Variants in BCLAF3 observed in about 807,000 individuals in gnomAD.
BCLAF3 encodes transient octamer binding factor 1.
A neutral mutation model predicts 51.2 loss-of-function variants in BCLAF3; 24 were observed. The ratio of observed to expected loss-of-function variants is 0.47; its 90% confidence interval spans 0.34 to 0.66. BCLAF3 has a LOEUF of 0.66. BCLAF3 is among the 30% of genes least tolerant of loss of function. The probability of loss-of-function intolerance (pLI) is 0.01; values close to 1 mark genes in which losing one functional copy is unlikely to be tolerated. For synonymous variants in BCLAF3, 152 were observed against 176.6 expected (o/e 0.86, Z 1.10); for missense variants, 465 against 525.1 (o/e 0.89, Z 1.12).
chrX:19,939,111 A>T (rs760692733), intron 8 of BCLAF3, among the ~76,000 whole-genome samples: 2 of 112,221 alleles, frequency 1.8e-5, no homozygotes, highest in East Asian at 5.6e-4. Context: ...ACGACAGTAG[A>T]TCAAAAGAGT....
chrX:19,949,893 A>G (rs774314958), intron 8 of BCLAF3, among the ~76,000 whole-genome samples: 3 of 111,817 alleles, frequency 2.7e-5, no homozygotes, highest in Non-Finnish European at 5.6e-5. Flanking sequence ...GTCCTGTTCA[A>G]TTATACCTCA....
intron 1 of BCLAF3, among the ~76,000 whole-genome samples, chrX:19,981,898 T>G (rs1038950065): frequency 6.5e-5 from 6 of 92,404 alleles, no homozygotes; most frequent in African/African-American, 3.4e-4. Flanking sequence ...TGATGGCTAA[T>G]GGGCACAGAG....
rs866595562 is a variant in BCLAF3, at chrX:19,946,135, C to T, written c.1745+4618G>A. Among the ~76,000 whole-genome samples, 652 of 111,123 alleles carry T rather than the reference C, an allele frequency of 5.9e-3. 2 individuals are homozygous for T. Among genetic ancestry groups the T allele is most frequent in the Middle Eastern group, 0.023 (5 of 214 alleles). ...CAATGCCTCGCCCTGCTTCGGCTCG[C>T]GCCCGGTGCGCGCACCCACTGGCCT... On this transcript the variant is annotated intron_variant, in intron 8 of 11. Coordinates refer to ENST00000379682, the MANE Select transcript of BCLAF3 (RefSeq NM_001367774.2).
chrX:19,977,449 G>A (rs187303614), intron 1 of BCLAF3, among the ~76,000 whole-genome samples: 6 of 112,180 alleles, frequency 5.3e-5, no homozygotes, highest in African/African-American at 1.3e-4. Context: ...GGTCCGGATA[G>A]AAGCTCAAAC....
chrX:19,977,201 G>C (rs1016613082), intron 1 of BCLAF3, among the ~76,000 whole-genome samples: 1 of 111,511 alleles, frequency 9.0e-6, no homozygotes, highest in Non-Finnish European at 1.9e-5. Flanking sequence ...GCCTCTAAAT[G>C]TTCAAGTGAA....
chrX:19,939,650 G>A (rs2070922744), intron 8 of BCLAF3, among the ~76,000 whole-genome samples: 1 of 111,778 alleles, frequency 8.9e-6, no homozygotes, highest in Admixed American at 9.5e-5. Flanking sequence ...TAGCCAAAGG[G>A]TGAAAGCAAT....
chrX:19,938,458 C>T (rs1176779109), intron 8 of BCLAF3, among the ~76,000 whole-genome samples: 1 of 112,268 alleles, frequency 8.9e-6, no homozygotes, highest in Non-Finnish European at 1.9e-5. Context: ...TGCAGTGGCA[C>T]AATCTCGGCT....
intron 1 of BCLAF3, among the ~76,000 whole-genome samples, chrX:19,971,524 A>T (rs1375223207): frequency 8.9e-6 from 1 of 112,856 alleles, no homozygotes; most frequent in Non-Finnish European, 1.9e-5. Flanking sequence ...TAAATTTTAA[A>T]AGGCACTTCT....
chrX:19,945,330 T>C (rs2071228514), intron 8 of BCLAF3, among the ~76,000 whole-genome samples: 1 of 108,042 alleles, frequency 9.3e-6, no homozygotes, highest in Non-Finnish European at 1.9e-5. Flanking sequence ...ACTGCGTTCC[T>C]TTGGAGGAGG....
intron 8 of BCLAF3, among the ~76,000 whole-genome samples, chrX:19,940,272 ATTTATTT>A (rs1435739576): frequency 8.7e-5 from 7 of 80,267 alleles, no homozygotes; most frequent in African/African-American, 6.0e-4. Context: ...TTATTTATTT[ATTTATTT>A]TTTTTTTTTT....
At chrX:19,931,737 T>C (rs1211150740) in intron 10 of BCLAF3, among the ~76,000 whole-genome samples, 1 of 112,125 alleles carries the variant, frequency 8.9e-6, no homozygotes, top group Non-Finnish European at 1.9e-5. Flanking sequence ...TTTAACAAAA[T>C]TCATACCTAA....
At chrX:19,984,072 C>CAAAAAAA (rs1168246147) in intron 1 of BCLAF3, among the ~76,000 whole-genome samples, 8 of 15,422 alleles carry the variant, frequency 5.2e-4, no homozygotes, top group East Asian at 2.2e-3. Context: ...GACTCCATCT[C>CAAAAAAA]AAAAAAAAAA....
intron 4 of BCLAF3, among the ~76,000 whole-genome samples, chrX:19,962,853 G>T (rs906228565): frequency 9.0e-6 from 1 of 111,448 alleles, no homozygotes; most frequent in Non-Finnish European, 1.9e-5. Context: ...GGGAGGCCAA[G>T]GAGGGAGGAT....
chrX:19,949,778 A>G (rs1394813812), intron 8 of BCLAF3, among the ~76,000 whole-genome samples: 1 of 112,682 alleles, frequency 8.9e-6, no homozygotes, highest in East Asian at 2.8e-4. Flanking sequence ...GCAATTTGAT[A>G]GAAAAGATTA....
At position 19,948,792 on chromosome X, in the gene BCLAF3, G is replaced by GA. The variant is rs769658379; in HGVS notation, c.1745+1960dup. Among the ~76,000 whole-genome samples the GA allele has an allele frequency of 4.3e-3, 465 of 107,302 alleles. 2 individuals are homozygous for GA. Among genetic ancestry groups the GA allele is most frequent in the African/African-American group, 0.016 (454 of 29,280 alleles). 93.2% of individuals were successfully genotyped at this position (107,302 alleles called of 115,157 possible). ...CTGTCTCAAAAAAAAAAAAAGAAAAGAAAAATGATTATATGAAATGTCAGG... is the reference window on the plus strand; with the variant it reads ...CTGTCTCAAAAAAAAAAAAAGAAAAGAAAAAATGATTATATGAAATGTCAGG... On this transcript the variant is annotated intron_variant, in intron 8 of 11. Coordinates refer to ENST00000379682, the MANE Select transcript of BCLAF3 (RefSeq NM_001367774.2).
At chrX:19,985,446 C>T (rs1483122832) in intron 1 of BCLAF3, among the ~76,000 whole-genome samples, 1 of 108,677 alleles carries the variant, frequency 9.2e-6, no homozygotes, top group African/African-American at 3.4e-5. Flanking sequence ...ATTAGCTAGG[C>T]GTGGTGGCAC....
At chrX:19,977,428 A>G (rs764280759) in intron 1 of BCLAF3, among the ~76,000 whole-genome samples, 8 of 112,264 alleles carry the variant, frequency 7.1e-5, no homozygotes, top group Non-Finnish European at 1.5e-4. Context: ...TGATATGGAG[A>G]AAGTTTGAGT....
chrX:19,936,075 C>T (rs952428448), intron 9 of BCLAF3, among the ~76,000 whole-genome samples, 177 bp from the exon 10 acceptor site: 1 of 111,942 alleles, frequency 8.9e-6, no homozygotes, highest in African/African-American at 3.2e-5. Context: ...TAACTTGACC[C>T]TCGACTTTGA....
intron 1 of BCLAF3, among the ~76,000 whole-genome samples, chrX:19,982,635 A>G (rs1417340695): frequency 9.1e-6 from 1 of 110,483 alleles, no homozygotes; most frequent in Middle Eastern, 4.2e-3. Flanking sequence ...GAGTGAGGGT[A>G]TTTTAAAAGG....
Sources: allele counts gnomAD v4.1 joint callset (sites outside exome capture counted in the v4.1 genomes callset), GRCh38; gene constraint gnomAD v4.1.1; transcripts MANE v1.5; gene names NCBI Gene and HGNC (gene_info 2026-07-23, HGNC 2026-07-21).